Variants in INTS3 observed in about 807,000 individuals in gnomAD.
INTS3 encodes integrator complex subunit 3, also known as SOSS complex subunit A.
In INTS3, 34 loss-of-function variants were observed where a neutral mutation model predicts 146.3. That is an observed-to-expected ratio of 0.23 (90% CI 0.18 to 0.31). The LOEUF (loss-of-function observed/expected upper bound fraction) is 0.31. Ranked by LOEUF, INTS3 falls within the 10% of genes least tolerant of loss-of-function variation. The pLI, the probability that INTS3 is intolerant of heterozygous loss-of-function variation, is 1.00. For synonymous variants in INTS3, 475 were observed against 494.9 expected (o/e 0.96, Z 0.53); for missense variants, 757 against 1,304.2 (o/e 0.58, Z 6.46).
chr1:153,760,524 C>T, intron 12 of INTS3, 134 bp downstream of exon 12: 1 of 708,366 alleles, frequency 1.4e-6, no homozygotes, highest in Non-Finnish European at 2.4e-6. Context: ...TCCTATCCCC[C>T]AAGTTAATAA....
At chr1:153,741,115 CTCT>C (rs1177477308) in intron 2 of INTS3, among the ~76,000 whole-genome samples, 167 bp from the exon 3 acceptor site, 1 of 152,108 alleles carries the variant, frequency 6.6e-6, no homozygotes, top group Non-Finnish European at 1.5e-5. Flanking sequence ...GTCCTTATCT[CTCT>C]TCTTTTTTTA....
At chr1:153,759,765 A>G in intron 11 of INTS3, 152 bp downstream of exon 11, 1 of 624,096 alleles carries the variant, frequency 1.6e-6, no homozygotes, top group Non-Finnish European at 2.9e-6. Flanking sequence ...TTTTCCCTTG[A>G]CCTAGAAAGA....
chr1:153,728,662 GCAGCAGCAGCAGCTGCTT>G lies in INTS3; in HGVS notation c.30_47del (p.Ala11_Ser16del). On this transcript the variant is annotated inframe_deletion, in exon 1 of 30. Coordinates refer to ENST00000318967, the MANE Select transcript of INTS3 (RefSeq NM_023015.5). ...GGAGTTGCAGAAGGGAAAAGGGGCGGCAGCAGCAGCAGCTGCTTCGGGAGCAGCGGGAGGTGGAGGAGG... is the reference window on the plus strand; with the variant it reads ...GGAGTTGCAGAAGGGAAAAGGGGCGGCGGGAGCAGCGGGAGGTGGAGGAGG... 2.5e-6 allele frequency: 4 copies of G among 1,599,962 alleles called. No homozygotes were observed. Among genetic ancestry groups the G allele is most frequent in the Admixed American group, 1.7e-5 (1 of 57,398 alleles).
Position 153,754,729 on chromosome 1 carries a change from T to A in INTS3, c.947T>A (p.Met316Lys). 6.2e-7 allele frequency: 1 copy of A among 1,606,014 alleles called. No homozygotes were observed. Among genetic ancestry groups the A allele is most frequent in the Non-Finnish European group, 8.5e-7 (1 of 1,172,578 alleles). The stretch of plus-strand genomic sequence containing the variant: ...GACATGGAGACTAAACTCCTCTTCA[T>A]GACATCCCGGGTAAGCTAAGGTGTT... ...TPDMETKLLF[M>K]TSRVRFGQQK... Residue 316 changes from methionine to lysine, a missense_variant, in exon 9 of 30, where the codon ATG becomes AAG. By Grantham distance (95) the Met-to-Lys change is moderately conservative. Around this residue, in one of 8 missense-constraint regions of INTS3, gnomAD observed 134 missense variants for 243.1 expected, o/e 0.55. Coordinates refer to ENST00000318967, the MANE Select transcript of INTS3 (RefSeq NM_023015.5).
Position 153,728,475 on chromosome 1 carries a change from C to G in INTS3, c.-160C>G. ...CCTTCGCCCCCAACGCAGGCGCGGC[C>G]TTTTGGAGAGGAGGGAGGAGTGGAG... On this transcript the variant is annotated 5_prime_UTR_variant, in exon 1 of 30. Coordinates refer to ENST00000318967, the MANE Select transcript of INTS3 (RefSeq NM_023015.5). 2 of 873,108 alleles carry G rather than the reference C, an allele frequency of 2.3e-6. No individual in the cohort carries two copies. Among genetic ancestry groups the G allele is most frequent in the Non-Finnish European group, 3.4e-6 (2 of 581,890 alleles). 54.1% of individuals were successfully genotyped at this position (873,108 alleles called of 1,614,324 possible). A position where few individuals can be genotyped will look rare whatever the true frequency, so the allele number is the denominator to read the frequency against.
chr1:153,750,491 A>C (rs1273811465), intron 6 of INTS3, among the ~76,000 whole-genome samples: 1 of 152,084 alleles, frequency 6.6e-6, no homozygotes, highest in East Asian at 1.9e-4. Context: ...ATTGTGTGGG[A>C]GTGGGGACTC....
intron 1 of INTS3, among the ~76,000 whole-genome samples, chr1:153,730,870 G>A (rs1467171781): frequency 6.6e-6 from 1 of 151,966 alleles, no homozygotes; most frequent in Non-Finnish European, 1.5e-5. Flanking sequence ...TGTGTGGTTC[G>A]GTTATCCCCA....
At chr1:153,755,280 TGAGATGG>T (rs1185481104) in intron 9 of INTS3, among the ~76,000 whole-genome samples, 1 of 152,150 alleles carries the variant, frequency 6.6e-6, no homozygotes, top group Non-Finnish European at 1.5e-5. Flanking sequence ...GTTTGTATTT[TGAGATGG>T]AGTTTCGTTC....
chr1:153,762,606 T>C lies in INTS3; in HGVS notation c.1517-122T>C, dbSNP rs1054267687. On this transcript the variant is annotated intron_variant, in intron 14 of 29. Coordinates refer to ENST00000318967, the MANE Select transcript of INTS3 (RefSeq NM_023015.5). ...GAGGTTTGTCCTCCCAGGGTCAGTATTCCATTTAGATGATAAACTCCTTAT... is the reference window on the plus strand; with the variant it reads ...GAGGTTTGTCCTCCCAGGGTCAGTACTCCATTTAGATGATAAACTCCTTAT... 1.5e-4 allele frequency: 187 copies of C among 1,213,146 alleles called. 1 individual carries two copies. The South Asian group carries it at 2.4e-3, about 15-fold the overall frequency. The allele number at this position is 1,213,146 out of a possible 1,614,324, so 75.1% of individuals were successfully genotyped here.
chr1:153,741,808 T>TA (rs1671544524), intron 3 of INTS3, among the ~76,000 whole-genome samples: 1 of 152,246 alleles, frequency 6.6e-6, no homozygotes, highest in Non-Finnish European at 1.5e-5. Context: ...AGCTTAATGT[T>TA]ACATGATTGA....
intron 8 of INTS3, 34 bp downstream of exon 8, chr1:153,752,442 G>A (rs779232844): frequency 6.3e-7 from 1 of 1,588,948 alleles, no homozygotes; most frequent in Non-Finnish European, 8.6e-7. Context: ...GTCCTTGAGA[G>A]CTGGGAGTTC....
chr1:153,765,573 A>T (rs1570878952), intron 20 of INTS3, among the ~76,000 whole-genome samples: 2 of 149,596 alleles, frequency 1.3e-5, no homozygotes, highest in South Asian at 4.2e-4. Context: ...TTAAATTTTT[A>T]TTTATTTATT....
At chr1:153,745,468 C>T (rs1408582211) in intron 3 of INTS3, among the ~76,000 whole-genome samples, 1 of 151,338 alleles carries the variant, frequency 6.6e-6, no homozygotes, top group African/African-American at 2.4e-5. Flanking sequence ...CCTTGCTATA[C>T]TATATGATTA....
At chr1:153,753,204 C>T (rs1227738254) in intron 8 of INTS3, among the ~76,000 whole-genome samples, 3 of 152,104 alleles carry the variant, frequency 2.0e-5, no homozygotes, top group African/African-American at 7.2e-5. Context: ...CATGTGTTAC[C>T]TCATTTAATC....
rs1047262819 is a variant in INTS3 at position 153,767,582 on chromosome 1, C to G, written c.2091-92C>G. On this transcript the variant is annotated intron_variant, in intron 20 of 29. Coordinates refer to ENST00000318967, the MANE Select transcript of INTS3 (RefSeq NM_023015.5). The stretch of plus-strand genomic sequence containing the variant: ...ATTAGCACAGGGCATCTGGAGCCAG[C>G]AAAGCAGTTTTAGAGCGGGAGCCTG... 2.0e-4 allele frequency: 265 copies of G among 1,356,952 alleles called. 1 individual carries two copies. The highest frequency in any genetic ancestry group is 2.5e-4 in the Non-Finnish European group (253 of 1,011,992). The allele number at this position is 1,356,952 out of a possible 1,614,324, so 84.1% of individuals were successfully genotyped here.
At position 153,757,936 on chromosome 1, in the gene INTS3, A is replaced by G. The variant is rs574326869; in HGVS notation, c.1149+173A>G. On this transcript the variant is annotated intron_variant, in intron 10 of 29. Transcript: ENST00000318967. The surrounding 1 kb of genome is among the most constrained non-coding windows in gnomAD (Gnocchi z 4.0). Reference sequence around the variant, plus strand: ...TTTGTGTCTCTAGAAATTTACTTACACTCATTATTTTCCATCTGGGTTTGA... The same window carrying G: ...TTTGTGTCTCTAGAAATTTACTTACGCTCATTATTTTCCATCTGGGTTTGA... Among the ~76,000 whole-genome samples, 5 of 151,418 alleles carry G rather than the reference A, an allele frequency of 3.3e-5. No homozygotes were observed. The South Asian group carries it at 6.3e-4, about 19-fold the overall frequency.
At chr1:153,770,592 C>T (rs941624684) in intron 24 of INTS3, 93 bp from the exon 25 acceptor site, 7 of 1,050,112 alleles carry the variant, frequency 6.7e-6, no homozygotes, top group Admixed American at 1.8e-5. Flanking sequence ...TGTCCTTATT[C>T]CCTCCAGTGG....
intron 11 of INTS3, 52 bp from the exon 12 acceptor site, chr1:153,760,250 AAAAAAAAAG>A: frequency 2.0e-6 from 2 of 1,014,462 alleles, no homozygotes; most frequent in Non-Finnish European, 2.8e-6. Context: ...AAAAAAAAAA[AAAAAAAAAG>A]AGAGAGAGAG....
In INTS3 at chr1:153,772,576, G is replaced by A. The variant is rs746413753; in HGVS notation, c.2822-63G>A. On this transcript the variant is annotated intron_variant, in intron 27 of 29. Transcript: ENST00000318967. The surrounding 1 kb of genome is among the most constrained non-coding windows in gnomAD (Gnocchi z 4.6). ...CGGGATAAAACAACCTGTGCGTGCT[G>A]TTTAATAAGCTCCCAGACATCTGAT... 3 of 1,612,790 alleles carry A rather than the reference G, an allele frequency of 1.9e-6. No homozygotes were observed. The highest frequency in any genetic ancestry group is 1.7e-6 in the Non-Finnish European group (2 of 1,179,316).
Sources: allele counts gnomAD v4.1 joint callset (sites outside exome capture counted in the v4.1 genomes callset), GRCh38; gene constraint gnomAD v4.1.1; regional missense constraint gnomAD v4.1.1; non-coding constraint Gnocchi (gnomAD v3.1); transcripts MANE v1.5; gene names NCBI Gene and HGNC (gene_info 2026-07-23, HGNC 2026-07-21).